SCPPPQ1: variants seen among roughly 807,000 people sequenced by gnomAD.
SCPPPQ1 encodes secretory calcium-binding phosphoprotein proline-glutamine rich 1.
the SCPPPQ1 span, among the ~76,000 whole-genome samples, chr4:87,468,222 G>C: frequency 6.6e-6 from 1 of 152,162 alleles, no homozygotes. Flanking sequence ...GGAAGACCAA[G>C]GCTTTTTGCT....
chr4:87,469,758 G>A, the SCPPPQ1 span, among the ~76,000 whole-genome samples: 1 of 151,994 alleles, frequency 6.6e-6, no homozygotes. Context: ...GATAAATCCT[G>A]CCTCCAAACA....
At chr4:87,470,442 A>G in the SCPPPQ1 span, among the ~76,000 whole-genome samples, 1,448 of 152,286 alleles carry the variant, frequency 9.5e-3, 28 homozygotes, top group African/African-American at 0.033. Context: ...ATTGCCAGTT[A>G]TAGTTCTCGG....
At chr4:87,463,700 T>C in the SCPPPQ1 span, among the ~76,000 whole-genome samples, 1 of 152,206 alleles carries the variant, frequency 6.6e-6, no homozygotes, top group Admixed American at 6.5e-5. Flanking sequence ...ATTTGAAAGT[T>C]AGAAAATTGA....
the SCPPPQ1 span, among the ~76,000 whole-genome samples, chr4:87,466,339 C>T: frequency 2.0e-5 from 3 of 152,074 alleles, no homozygotes; most frequent in Non-Finnish European, 4.4e-5. Context: ...CACTGTACTC[C>T]AGCCTGGGCA....
chr4:87,470,885 A>T, the SCPPPQ1 span, among the ~76,000 whole-genome samples: 5 of 152,110 alleles, frequency 3.3e-5, no homozygotes, highest in African/African-American at 1.2e-4. Context: ...GGATTCAAAC[A>T]CTAATTTCTT....
chr4:87,466,306 G>T, the SCPPPQ1 span, among the ~76,000 whole-genome samples: 4 of 151,982 alleles, frequency 2.6e-5, no homozygotes, highest in Non-Finnish European at 5.9e-5. Flanking sequence ...GGAGGCGGAG[G>T]TTGCAGTGAG....
chr4:87,464,336 A>G, the SCPPPQ1 span, among the ~76,000 whole-genome samples: 1 of 146,398 alleles, frequency 6.8e-6, no homozygotes, highest in Non-Finnish European at 1.5e-5. Flanking sequence ...CTAAAGTTCA[A>G]TTATTAAAAT....
At chr4:87,461,307 C>T in the SCPPPQ1 span, among the ~76,000 whole-genome samples, 1 of 152,172 alleles carries the variant, frequency 6.6e-6, no homozygotes, top group Non-Finnish European at 1.5e-5. Context: ...GACTGGGTTG[C>T]AAAGCTATTC....
chr4:87,463,098 TA>T, the SCPPPQ1 span, among the ~76,000 whole-genome samples: 1 of 152,196 alleles, frequency 6.6e-6, no homozygotes, highest in South Asian at 2.1e-4. Flanking sequence ...AGGACATTAT[TA>T]AAAAATACCT....
At chr4:87,468,485 T>C in the SCPPPQ1 span, among the ~76,000 whole-genome samples, 1 of 152,202 alleles carries the variant, frequency 6.6e-6, no homozygotes, top group African/African-American at 2.4e-5. Context: ...TCTTGCCTAC[T>C]TGGTGCCCTC....
At chr4:87,470,085 C>T in the SCPPPQ1 span, among the ~76,000 whole-genome samples, 1 of 151,654 alleles carries the variant, frequency 6.6e-6, no homozygotes, top group Non-Finnish European at 1.5e-5. Context: ...TCCCAAGGAG[C>T]TAGGACTACA....
chr4:87,461,821 G>C, the SCPPPQ1 span: 1 of 152,026 alleles, frequency 6.6e-6, no homozygotes, highest in Non-Finnish European at 1.5e-5. Context: ...TTTGAAGAAA[G>C]CATTTGTAAT....
chr4:87,465,353 A>T, the SCPPPQ1 span, among the ~76,000 whole-genome samples: 826 of 152,222 alleles, frequency 5.4e-3, 6 homozygotes, highest in African/African-American at 0.019. Context: ...TTGAACATTC[A>T]ATTACTCAAA....
At chr4:87,465,559 CAAAAAAAAAAAAAAAA>C in the SCPPPQ1 span, among the ~76,000 whole-genome samples, 4,230 of 98,540 alleles carry the variant, frequency 0.043, 285 homozygotes, top group African/African-American at 0.17. Context: ...TAGAAATCTA[CAAAAAAAAAAAAAAAA>C]AAAAAAAAAA....
chr4:87,464,501 C>T, the SCPPPQ1 span, among the ~76,000 whole-genome samples: 1 of 152,028 alleles, frequency 6.6e-6, no homozygotes, highest in Admixed American at 6.6e-5. Flanking sequence ...ATTTTGGGAT[C>T]ACCTCTTTCT....
the SCPPPQ1 span, among the ~76,000 whole-genome samples, chr4:87,463,958 C>G: frequency 5.3e-5 from 8 of 152,184 alleles, no homozygotes; most frequent in African/African-American, 1.9e-4. Flanking sequence ...AGGTGAATCT[C>G]TTTACTTGTT....
At chr4:87,465,383 C>A in the SCPPPQ1 span, among the ~76,000 whole-genome samples, 1 of 151,920 alleles carries the variant, frequency 6.6e-6, no homozygotes, top group Non-Finnish European at 1.5e-5. Flanking sequence ...ATATCAATAA[C>A]TAGTGGTCCC....
At chr4:87,465,306 G>A in the SCPPPQ1 span, among the ~76,000 whole-genome samples, 1 of 151,970 alleles carries the variant, frequency 6.6e-6, no homozygotes, top group Non-Finnish European at 1.5e-5. Context: ...GAAAGTTTCA[G>A]GTCTTAGGTA....
At chr4:87,462,519 T>C in the SCPPPQ1 span, among the ~76,000 whole-genome samples, 8 of 152,042 alleles carry the variant, frequency 5.3e-5, no homozygotes, top group African/African-American at 1.9e-4. Context: ...TGGTATGTAT[T>C]TTACATGAAA....
Sources: allele counts gnomAD v4.1 joint callset (sites outside exome capture counted in the v4.1 genomes callset), GRCh38; gene constraint gnomAD v4.1.1; transcripts MANE v1.5; gene names NCBI Gene and HGNC (gene_info 2026-07-23, HGNC 2026-07-21).